GAS2L3: variants seen among roughly 807,000 people sequenced by gnomAD.
GAS2L3 encodes growth arrest specific 2 like 3.
A neutral mutation model predicts 37.0 loss-of-function variants in GAS2L3; 28 were observed. The observed-to-expected ratio is 0.76, with a 90% CI of 0.56 to 1.04. The LOEUF (loss-of-function observed/expected upper bound fraction) is 1.04, where lower values mean the gene tolerates loss of function less well. Among genes scored for constraint, GAS2L3 ranks in the 50% least tolerant of loss-of-function variants. The probability of loss-of-function intolerance (pLI) is 0.00; values close to 1 mark genes in which losing one functional copy is unlikely to be tolerated. For missense variants in GAS2L3, 793 were observed against 817.6 expected (o/e 0.97, Z 0.37); for synonymous variants, 290 against 296.6 (o/e 0.98, Z 0.23).
At chr12:100,613,237 T>C (rs914632326) in intron 6 of GAS2L3, among the ~76,000 whole-genome samples, 6 of 152,214 alleles carry the variant, frequency 3.9e-5, no homozygotes. Context: ...GAAGGCATCT[T>C]CTCACTCTCC....
At chr12:100,608,205 G>A (rs1307652022) in intron 5 of GAS2L3, among the ~76,000 whole-genome samples, 1 of 152,092 alleles carries the variant, frequency 6.6e-6, no homozygotes, top group Non-Finnish European at 1.5e-5. Flanking sequence ...GTGCGTGTGG[G>A]TTTTTTTCTT....
At chr12:100,601,989 A>G (rs1489455512) in intron 5 of GAS2L3, among the ~76,000 whole-genome samples, 1 of 152,112 alleles carries the variant, frequency 6.6e-6, no homozygotes, top group Non-Finnish European at 1.5e-5. Context: ...TCATAAAATG[A>G]GATTAACAGT....
chr12:100,604,815 AT>A (rs1328124004), intron 5 of GAS2L3, among the ~76,000 whole-genome samples: 2 of 152,048 alleles, frequency 1.3e-5, no homozygotes, highest in African/African-American at 4.8e-5. Context: ...AGGGATTTAA[AT>A]TTTATCAAAT....
At position 100,627,511 on chromosome 12, in the gene GAS2L3, C is replaced by T. The variant is rs1251541488; in HGVS notation, c.*2621C>T. On this transcript the variant is annotated 3_prime_UTR_variant, in exon 10 of 10. Transcript: ENST00000547754. ...CAGGCTGATCTCAAACTCCTGACCTCAGGTGATCCACCTGCCTCAGCCTCC... is the reference window on the plus strand; with the variant it reads ...CAGGCTGATCTCAAACTCCTGACCTTAGGTGATCCACCTGCCTCAGCCTCC... 1 of 152,210 alleles carries T rather than the reference C, an allele frequency of 6.6e-6. No individual in the cohort carries two copies. The highest frequency in any genetic ancestry group is 6.5e-5 in the Admixed American group (1 of 15,280). The allele number at this position is 152,210 out of a possible 1,614,324, so 9.4% of individuals were successfully genotyped here.
At chr12:100,596,806 ACT>A (rs1373308841) in intron 3 of GAS2L3, among the ~76,000 whole-genome samples, 2 of 152,014 alleles carry the variant, frequency 1.3e-5, no homozygotes, top group South Asian at 4.1e-4. Flanking sequence ...CTATGAAGTC[ACT>A]CTCTGTGAAA....
At chr12:100,579,118 C>T in intron 1 of GAS2L3, 1 of 711,942 alleles carries the variant, frequency 1.4e-6, no homozygotes, top group Admixed American at 1.9e-5. Flanking sequence ...TCACAATAAT[C>T]CATTCACATA....
rs1438970284 is a variant in GAS2L3 at position 100,585,593 on chromosome 12, TTCA to T, written c.-151-6142_-151-6140del. ...GACCCATGTATGCTGTGTATCCAGC[TTCA>T]GGTTGTTCATCACCCTCATCTCAGT... On this transcript the variant is annotated intron_variant, in intron 1 of 9. Coordinates refer to ENST00000547754, the MANE Select transcript of GAS2L3 (RefSeq NM_174942.3). Among the ~76,000 whole-genome samples the T allele has an allele frequency of 3.3e-4, 50 of 152,292 alleles. 1 individual carries two copies. The highest frequency in any genetic ancestry group is 3.4e-3 in the Middle Eastern group (1 of 294).
chr12:100,595,025 G>T, intron 3 of GAS2L3, 103 bp downstream of exon 3: 2 of 489,348 alleles, frequency 4.1e-6, no homozygotes, highest in South Asian at 4.2e-5. Flanking sequence ...TATTGTGCTA[G>T]TTTTTTTAAG....
chr12:100,609,412 A>G (rs1050621495), intron 5 of GAS2L3, among the ~76,000 whole-genome samples: 3 of 152,174 alleles, frequency 2.0e-5, no homozygotes, highest in Non-Finnish European at 2.9e-5. Flanking sequence ...ACAAGGCAGC[A>G]CTGAGTTCAG....
intron 5 of GAS2L3, 45 bp from the exon 6 acceptor site, chr12:100,611,955 A>T: frequency 7.6e-7 from 1 of 1,322,080 alleles, no homozygotes. Flanking sequence ...GTTTAATGAA[A>T]GTATCCTTGA....
rs1386795968 is a variant in GAS2L3 at position 100,624,713 on chromosome 12, TAA to T, written c.1909_1910del (p.Lys637GlufsTer6). ...CACCGAAGTCAGCACAGACTGTCGC[TAA>T]GAGCCAGCATTCAACTAAAGGGCCT... ...TAPKSAQTVA[K>X]SQHSTKGPPR... is the part of the protein sequence containing the mutation. On this transcript the variant is annotated frameshift_variant, in exon 10 of 10. Transcript: ENST00000547754. LOFTEE classifies it low-confidence loss of function (END_TRUNC). 6.2e-7 allele frequency: 1 copy of T among 1,614,012 alleles called. No individual in the cohort carries two copies.
chr12:100,585,219 G>T (rs117601994), intron 1 of GAS2L3, among the ~76,000 whole-genome samples: 1 of 150,616 alleles, frequency 6.6e-6, no homozygotes, highest in African/African-American at 2.4e-5. Flanking sequence ...GTTTTTAAAG[G>T]CTTCCTGAAA....
chr12:100,598,677 G>C (rs1410939015), intron 3 of GAS2L3, among the ~76,000 whole-genome samples: 1 of 152,162 alleles, frequency 6.6e-6, no homozygotes, highest in Non-Finnish European at 1.5e-5. Flanking sequence ...TTTATTCAGT[G>C]TGGTATAATC....
intron 3 of GAS2L3, among the ~76,000 whole-genome samples, chr12:100,597,144 A>T (rs566929922): frequency 6.6e-6 from 1 of 152,116 alleles, no homozygotes; most frequent in East Asian, 1.9e-4. Flanking sequence ...ACATGATTTT[A>T]AAAAAACCAC....
intron 9 of GAS2L3, among the ~76,000 whole-genome samples, chr12:100,623,045 A>T (rs1284090977): frequency 6.6e-6 from 1 of 152,126 alleles, no homozygotes. Context: ...AGTATTTAAA[A>T]ATATTATTTC....
At chr12:100,619,266 C>G (rs546293438) in intron 8 of GAS2L3, among the ~76,000 whole-genome samples, 11 of 151,758 alleles carry the variant, frequency 7.2e-5, no homozygotes, top group African/African-American at 2.7e-4. Context: ...TACAACTGGA[C>G]AGTCTTCTTA....
At chr12:100,601,969 A>C (rs748448153) in intron 5 of GAS2L3, among the ~76,000 whole-genome samples, 4 of 152,298 alleles carry the variant, frequency 2.6e-5, no homozygotes, top group South Asian at 2.1e-4. Flanking sequence ...ATCTGGAAAA[A>C]TGTTCTCTTT....
Position 100,623,772 on chromosome 12 carries a change from G to C in GAS2L3, c.967G>C (p.Val323Leu). Residue 323 changes from valine to leucine, a missense_variant, in exon 10 of 10, where the codon GTT becomes CTT. Transcript: ENST00000547754. ...QPPEMNPLSA[V>L]NMFQKQNSKP... Reference sequence around the variant, plus strand: ...TCCTGAAATGAATCCTTTGTCAGCAGTTAACATGTTTCAGAAACAAAATTC... The same window carrying C: ...TCCTGAAATGAATCCTTTGTCAGCACTTAACATGTTTCAGAAACAAAATTC... The C allele has an allele frequency of 6.2e-7, 1 of 1,614,026 alleles. No homozygotes were observed.
Position 100,623,945 on chromosome 12 carries a change from T to C in GAS2L3, c.1140T>C (p.Ser380=). 6.2e-7 allele frequency: 1 copy of C among 1,614,056 alleles called. No individual in the cohort carries two copies. Among genetic ancestry groups the C allele is most frequent in the Non-Finnish European group, 8.5e-7 (1 of 1,180,002 alleles). ...RSKLPNSPAA[S]SHPKLKSSKG... is the part of the protein sequence containing the mutation. ...AATTGCCAAATTCTCCAGCAGCATC[T>C]TCTCATCCCAAGCTCAAGTCTTCAA... is the stretch of plus-strand genomic sequence containing the variant. Residue 380 remains serine (S), a synonymous_variant, in exon 10 of 10, where the codon TCT becomes TCC. Transcript: ENST00000547754.
Sources: allele counts gnomAD v4.1 joint callset (sites outside exome capture counted in the v4.1 genomes callset), GRCh38; gene constraint gnomAD v4.1.1; transcripts MANE v1.5; gene names NCBI Gene and HGNC (gene_info 2026-07-23, HGNC 2026-07-21).